Variants in PFKFB3 observed in about 807,000 individuals in gnomAD.
PFKFB3 encodes 6-phosphofructo-2-kinase/fructose-2,6-bisphosphatase 3.
A neutral mutation model predicts 68.0 loss-of-function variants in PFKFB3; 33 were observed. The observed-to-expected ratio is 0.49, with a 90% confidence interval of 0.37 to 0.65. The LOEUF (loss-of-function observed/expected upper bound fraction) is 0.65, where lower values mean the gene tolerates loss of function less well. Ranked by LOEUF, PFKFB3 falls within the 30% of genes least tolerant of loss-of-function variation. The pLI is 0.00. For missense variants in PFKFB3, 586 were observed against 712.2 expected, an observed-to-expected ratio of 0.82 and a Z score of 2.02; for synonymous variants, 315 against 288.2, an observed-to-expected ratio of 1.09 and a Z score of -0.94.
Position 6,203,326 on chromosome 10 carries a change from G to C in PFKFB3, c.66G>C (p.Ser22=), listed in dbSNP as rs750180429. The change falls in exon 1 of 15, where the codon TCG becomes TCC. Residue 22 remains serine (S), a synonymous_variant. Coordinates refer to ENST00000379775, the MANE Select transcript of PFKFB3 (RefSeq NM_004566.4). ...GGGTGCCCGTGGACCACAGGCCCTCGTTGCCCAGATGTGAGTGCAGCTGCG... is the reference window on the plus strand; with the variant it reads ...GGGTGCCCGTGGACCACAGGCCCTCCTTGCCCAGATGTGAGTGCAGCTGCG... ...KIWVPVDHRP[S]LPRSCGPKLT... 1.9e-6 allele frequency: 3 copies of C among 1,608,462 alleles called. No individual in the cohort carries two copies. Among genetic ancestry groups the C allele is most frequent in the South Asian group, 2.2e-5 (2 of 90,206 alleles).
upstream of PFKFB3, among the ~76,000 whole-genome samples, chr10:6,200,478 G>A (rs1843301408): frequency 6.6e-6 from 1 of 152,072 alleles, no homozygotes; most frequent in Non-Finnish European, 1.5e-5. Context: ...TACAGTTGCA[G>A]TTGGGTTGTT....
rs1279499143 is a variant in PFKFB3 at position 6,181,817 on chromosome 10, AAAG to A, written c.17-31804_17-31802del. Among the ~76,000 whole-genome samples, 8 of 150,802 alleles carry A rather than the reference AAAG, an allele frequency of 5.3e-5. 1 individual carries two copies. The South Asian group carries it at 6.3e-4, about 12-fold the overall frequency. ...CGTTTAAAAAAAAAAAAAAAAAAAA[AAAG>A]ACAAATACTGCATGATTCCACTCAT... On this transcript the variant is annotated intron_variant, in intron 1 of 14. Transcript: ENST00000379789.
the PFKFB3 span, among the ~76,000 whole-genome samples, chr10:6,264,258 A>G: frequency 1.3e-5 from 2 of 152,188 alleles, no homozygotes; most frequent in African/African-American, 4.8e-5. Context: ...TTTAAAATCA[A>G]GTTTGACATT....
Position 6,220,591 on chromosome 10 carries a change from AC to A in PFKFB3, c.624-66del. The A allele has an allele frequency of 1.4e-6, 2 of 1,422,834 alleles. No individual in the cohort carries two copies. The highest frequency in any genetic ancestry group is 2.3e-5 in the South Asian group (2 of 86,646). The allele number at this position is 1,422,834 out of a possible 1,614,324, so 88.1% of individuals were successfully genotyped here. A position where few individuals can be genotyped will look rare whatever the true frequency, so the allele number is the denominator to read the frequency against. ...TTCTCTGGGGATCACATCTTCGGAGACGGGCCAGGTGCATCCTGCTGTGGGT... is the reference window on the plus strand; with the variant it reads ...TTCTCTGGGGATCACATCTTCGGAGAGGGCCAGGTGCATCCTGCTGTGGGT... On this transcript the variant is annotated intron_variant, in intron 7 of 14. Transcript: ENST00000379775. The surrounding 1 kb of genome is among the most constrained non-coding windows in gnomAD (Gnocchi z 4.1).
intron 1 of PFKFB3, among the ~76,000 whole-genome samples, chr10:6,213,016 G>A (rs562127974): frequency 1.3e-4 from 20 of 152,168 alleles, no homozygotes; most frequent in Middle Eastern, 3.4e-3. Flanking sequence ...CCTCCCACCC[G>A]CAGGAGCATT....
chr10:6,219,795 A>G, intron 7 of PFKFB3, 102 bp downstream of exon 7: 1 of 1,218,440 alleles, frequency 8.2e-7, no homozygotes, highest in Non-Finnish European at 1.1e-6. Flanking sequence ...CTTTAAAAAA[A>G]TTTTTTTAAG....
the PFKFB3 span, among the ~76,000 whole-genome samples, chr10:6,325,916 C>T: frequency 6.6e-6 from 1 of 152,138 alleles, no homozygotes; most frequent in Admixed American, 6.5e-5. Context: ...CTCCTTCTGC[C>T]GCTCTGTTGC....
intron 1 of PFKFB3, among the ~76,000 whole-genome samples, chr10:6,188,772 CA>C (rs1473674536): frequency 6.6e-6 from 1 of 151,168 alleles, no homozygotes; most frequent in Non-Finnish European, 1.5e-5. Context: ...CTTCGCTTAG[CA>C]AAAAGTCCTT....
chr10:6,199,811 C>T (rs555094859), upstream of PFKFB3, among the ~76,000 whole-genome samples: 1 of 151,624 alleles, frequency 6.6e-6, no homozygotes, highest in East Asian at 1.9e-4. Context: ...GGATCATTTT[C>T]AATAATTGCC....
At chr10:6,308,686 TA>T in the PFKFB3 span, among the ~76,000 whole-genome samples, 1 of 152,190 alleles carries the variant, frequency 6.6e-6, no homozygotes, top group Non-Finnish European at 1.5e-5. Context: ...GGCTTAATTC[TA>T]AACTTCCTAT....
chr10:6,220,882 C>G lies in PFKFB3; in HGVS notation c.831+17C>G, dbSNP rs60679017. 3 of 1,606,618 alleles carry G rather than the reference C, an allele frequency of 1.9e-6. No homozygotes were observed. In the South Asian group the frequency reaches 3.3e-5, roughly 18 times the overall value. The stretch of plus-strand genomic sequence containing the variant: ...GGCAAGAAGGTGCGGGGTGTGCTGC[C>G]GCATGGGCCGTTCTGGCTGTAGGGC... On this transcript the variant is annotated intron_variant, in intron 8 of 14. Transcript: ENST00000379775. This position sits in a 1 kb window ranked among gnomAD's most constrained non-coding sequence, Gnocchi z 4.1.
intron 14 of PFKFB3, among the ~76,000 whole-genome samples, chr10:6,242,223 C>T (rs1266672591): frequency 1.3e-5 from 2 of 152,118 alleles, no homozygotes; most frequent in Non-Finnish European, 2.9e-5. Context: ...GTTCCGTCTC[C>T]CCATTTATTT....
At chr10:6,260,264 T>A in the PFKFB3 span, among the ~76,000 whole-genome samples, 10 of 151,512 alleles carry the variant, frequency 6.6e-5, no homozygotes, top group Non-Finnish European at 1.5e-4. Context: ...TACAAAAAAA[T>A]TAGCTGGGCA....
intron 1 of PFKFB3, among the ~76,000 whole-genome samples, chr10:6,177,771 G>A (rs117810045): frequency 1.3e-5 from 2 of 152,014 alleles, no homozygotes; most frequent in Admixed American, 6.6e-5. Context: ...TGATCTATCC[G>A]CCTTGGCCTC....
the PFKFB3 span, among the ~76,000 whole-genome samples, chr10:6,275,438 C>G: frequency 2.0e-5 from 3 of 152,324 alleles, no homozygotes; most frequent in South Asian, 6.2e-4. This position sits in a 1 kb window ranked among gnomAD's most constrained non-coding sequence, Gnocchi z 4.9. Context: ...ACACTGCATG[C>G]CGGGAACGCT....
At chr10:6,195,456 G>A (rs1164343098) in intron 1 of PFKFB3, among the ~76,000 whole-genome samples, 1 of 152,200 alleles carries the variant, frequency 6.6e-6, no homozygotes, top group African/African-American at 2.4e-5. Context: ...GGCTAAGCAT[G>A]AAAACAAGCA....
intron 1 of PFKFB3, among the ~76,000 whole-genome samples, chr10:6,178,725 CAG>C (rs1273322425): frequency 6.6e-6 from 1 of 152,252 alleles, no homozygotes; most frequent in Admixed American, 6.5e-5. Flanking sequence ...TTACTGCTGT[CAG>C]AGCCACCCCA....
In PFKFB3 at chr10:6,177,491, T is replaced by TTTCTTTC. The variant is rs1400936250; in HGVS notation, c.16+32480_16+32481insCTTTCTT. 2.8e-5 allele frequency among the ~76,000 whole-genome samples: 4 copies of TTTCTTTC among 142,440 alleles called. 1 individual carries two copies. Among genetic ancestry groups the TTTCTTTC allele is most frequent in the African/African-American group, 1.0e-4 (4 of 38,714 alleles). 93.4% of individuals were successfully genotyped at this position (142,440 alleles called of 152,430 possible). ...TTCTTTCTTTCTTTCTTTCTTTTTCTTTTCTTTCTCTCTCTCGCTCTCTCT... is the reference window on the plus strand; with the variant it reads ...TTCTTTCTTTCTTTCTTTCTTTTTCTTTCTTTCTTTCTTTCTCTCTCTCGCTCTCTCT... On this transcript the variant is annotated intron_variant, in intron 1 of 14. Transcript: ENST00000379789.
chr10:6,190,079 G>A (rs1228316553), intron 1 of PFKFB3, among the ~76,000 whole-genome samples: 1 of 151,812 alleles, frequency 6.6e-6, no homozygotes, highest in African/African-American at 2.4e-5. Context: ...GAGTAGCTGG[G>A]ATTACAGGCA....
Sources: gnomAD v4.1 joint callset for allele counts (sites outside exome capture counted in the v4.1 genomes callset) on GRCh38, gnomAD v4.1.1 for gene constraint, Gnocchi (gnomAD v3.1) non-coding constraint, MANE v1.5 for transcripts, NCBI Gene and HGNC (gene_info 2026-07-23, HGNC 2026-07-21) for gene names.